The following RGPD2 variants were observed in gnomAD, a reference collection of about 807,000 sequenced individuals.
RGPD2 encodes the protein RANBP2 like and GRIP domain containing 2.
A neutral mutation model predicts 36.0 loss-of-function variants in RGPD2; 2 were observed. That is an observed-to-expected ratio of 0.06 (90% CI 0.02 to 0.17). The LOEUF (loss-of-function observed/expected upper bound fraction) is 0.17. RGPD2 is among the 10% of genes least tolerant of loss of function. RGPD2 has a pLI of 1.00. For synonymous variants in RGPD2, 19 were observed against 163.8 expected (o/e 0.12, Z 6.75); for missense variants, 40 against 464.3 (o/e 0.09, Z 8.40).
chr2:87,957,995 A>G, the RGPD2 span, among the ~76,000 whole-genome samples: 3 of 152,252 alleles, frequency 2.0e-5, no homozygotes, highest in African/African-American at 2.4e-5. Context: ...GCTCCTCTAT[A>G]TTAAAGATGT....
At chr2:87,965,221 T>C in the RGPD2 span, among the ~76,000 whole-genome samples, 3 of 139,328 alleles carry the variant, frequency 2.2e-5, no homozygotes, top group East Asian at 6.3e-4. Flanking sequence ...TCCAAAGTGC[T>C]TTTTATCTTC....
the RGPD2 span, among the ~76,000 whole-genome samples, chr2:87,879,163 C>T: frequency 7.2e-5 from 11 of 151,740 alleles, no homozygotes; most frequent in African/African-American, 2.4e-4. Context: ...ATATTTAATC[C>T]TTGTGGGTAC....
At chr2:87,915,811 C>T in the RGPD2 span, among the ~76,000 whole-genome samples, 13 of 150,924 alleles carry the variant, frequency 8.6e-5, no homozygotes, top group Admixed American at 4.0e-4. Flanking sequence ...ATTTATAATG[C>T]TTGTTTTCAG....
chr2:87,955,341 AT>A, the RGPD2 span, among the ~76,000 whole-genome samples: 1 of 122,680 alleles, frequency 8.2e-6, no homozygotes, highest in Non-Finnish European at 1.7e-5. Flanking sequence ...TCACCTTTAC[AT>A]TTGATAGTTT....
At chr2:87,798,752 C>T (rs1238152324) in intron 8 of RGPD2, among the ~76,000 whole-genome samples, 1 of 131,194 alleles carries the variant, frequency 7.6e-6, no homozygotes, top group Non-Finnish European at 1.7e-5. Flanking sequence ...CCTGTAGTCC[C>T]AGCTACTGGG....
At chr2:87,831,038 C>T in the RGPD2 span, among the ~76,000 whole-genome samples, 50 of 152,102 alleles carry the variant, frequency 3.3e-4, no homozygotes, top group African/African-American at 1.1e-3. Context: ...AAATAAAACA[C>T]GAGAAATATG....
the RGPD2 span, among the ~76,000 whole-genome samples, chr2:87,847,371 AT>A: frequency 6.6e-6 from 1 of 151,390 alleles, no homozygotes; most frequent in Non-Finnish European, 1.5e-5. Flanking sequence ...ATGTTTTGAT[AT>A]TTTTTCTATT....
At chr2:87,834,428 A>G in the RGPD2 span, among the ~76,000 whole-genome samples, 1 of 152,234 alleles carries the variant, frequency 6.6e-6, no homozygotes, top group South Asian at 2.1e-4. Flanking sequence ...TATGAAGATT[A>G]CATGATCATA....
At chr2:87,984,069 A>G in the RGPD2 span, among the ~76,000 whole-genome samples, 1 of 145,230 alleles carries the variant, frequency 6.9e-6, no homozygotes, top group Admixed American at 7.0e-5. Context: ...AGACTGGAAC[A>G]TAGACAAAGG....
At chr2:87,964,893 G>A in the RGPD2 span, among the ~76,000 whole-genome samples, 3 of 147,792 alleles carry the variant, frequency 2.0e-5, no homozygotes, top group Non-Finnish European at 3.0e-5. Flanking sequence ...GAGTCTAGGT[G>A]TTGCCCATGC....
At chr2:87,812,878 G>A (rs1686149440) in intron 4 of RGPD2, among the ~76,000 whole-genome samples, 2 of 151,398 alleles carry the variant, frequency 1.3e-5, no homozygotes, top group African/African-American at 4.9e-5. Context: ...TGTTGCCCAA[G>A]CTGACTACTC....
At chr2:87,975,084 T>C in the RGPD2 span, among the ~76,000 whole-genome samples, 2 of 152,154 alleles carry the variant, frequency 1.3e-5, no homozygotes, top group African/African-American at 2.4e-5. Flanking sequence ...TCCCTTGTGT[T>C]TTCCTCAATC....
At chr2:87,776,380 A>ATC (rs1338589966) in intron 20 of RGPD2, among the ~76,000 whole-genome samples, 5 of 121,712 alleles carry the variant, frequency 4.1e-5, no homozygotes, top group Non-Finnish European at 8.8e-5. Flanking sequence ...CCATCCATCC[A>ATC]TCTCATCCAT....
the RGPD2 span, among the ~76,000 whole-genome samples, chr2:87,874,343 GT>G: frequency 8.4e-6 from 1 of 118,988 alleles, no homozygotes; most frequent in Non-Finnish European, 1.7e-5. Flanking sequence ...GGTTTTTATA[GT>G]TTTGGGTTTT....
the RGPD2 span, among the ~76,000 whole-genome samples, chr2:87,915,337 TATA>T: frequency 4.3e-4 from 47 of 109,396 alleles, 2 homozygotes; most frequent in African/African-American, 1.1e-3. Flanking sequence ...ATATTGTATA[TATA>T]ATGTATATTA....
chr2:87,861,101 T>C, the RGPD2 span, among the ~76,000 whole-genome samples: 2 of 152,126 alleles, frequency 1.3e-5, no homozygotes, highest in Admixed American at 1.3e-4. Context: ...ATTTACATCA[T>C]TTGGATACAT....
At chr2:87,861,640 A>G in the RGPD2 span, among the ~76,000 whole-genome samples, 1 of 152,078 alleles carries the variant, frequency 6.6e-6, no homozygotes, top group East Asian at 1.9e-4. Context: ...CAATTTCTTA[A>G]ATTTCATTTA....
chr2:87,824,804 G>A (rs1260130424), intron 1 of RGPD2: 1 of 119,056 alleles, frequency 8.4e-6, no homozygotes, highest in East Asian at 2.8e-4. Context: ...GGCCGCCGCC[G>A]CCGCCGCCCG....
chr2:87,881,659 T>C, the RGPD2 span, among the ~76,000 whole-genome samples: 1 of 148,482 alleles, frequency 6.7e-6, no homozygotes, highest in Non-Finnish European at 1.5e-5. Context: ...CACGTTTTCC[T>C]TCAACTTCCT....
Sources: gnomAD v4.1 joint callset for allele counts (sites outside exome capture counted in the v4.1 genomes callset) on GRCh38, gnomAD v4.1.1 for gene constraint, MANE v1.5 for transcripts, NCBI Gene and HGNC (gene_info 2026-07-23, HGNC 2026-07-21) for gene names.